The following GLIS2 variants were observed in gnomAD, a reference collection of about 807,000 sequenced individuals.
GLIS2 encodes GLIS family zinc finger 2, also known as zinc finger protein GLIS2.
Under a neutral mutation model 35.6 loss-of-function variants are expected in GLIS2, and 14 were observed. That is an observed-to-expected ratio of 0.39 (90% confidence interval 0.26 to 0.61). GLIS2 has a LOEUF of 0.61. Among genes scored for constraint, GLIS2 ranks in the 20% least tolerant of loss-of-function variants. The probability of loss-of-function intolerance (pLI) is 0.48; values close to 1 mark genes in which losing one functional copy is unlikely to be tolerated. For synonymous variants in GLIS2, 368 were observed against 325.1 expected (o/e 1.13, Z -1.42); for missense variants, 675 against 713.4 (o/e 0.95, Z 0.61).
In GLIS2 at chr16:4,335,382, G is replaced by A. The variant is rs1321473589; in HGVS notation, c.764G>A (p.Arg255Gln). ...CTGGAGAACCTGAAGATCCACAACC[G>A]GTCGCACACAGGTAAGAGGCCGGGG... ...SRLENLKIHN[R>Q]SHTGEKPYVC... The change falls in exon 6 of 7, where the codon CGG becomes CAG. Residue 255 changes from arginine to glutamine, a missense_variant. By Grantham distance (43) the Arg-to-Gln change is conservative. Around this residue, in one of 3 missense-constraint regions of GLIS2, gnomAD observed 133 missense variants for 191.4 expected, o/e 0.69. Transcript: ENST00000433375. The surrounding 1 kb of genome is among the most constrained non-coding windows in gnomAD (Gnocchi z 4.6). The A allele has an allele frequency of 1.2e-6, 2 of 1,613,494 alleles. No homozygotes were observed. Among genetic ancestry groups the A allele is most frequent in the East Asian group, 2.2e-5 (1 of 44,896 alleles).
Position 4,332,778 on chromosome 16 carries a change from G to A in GLIS2, c.172+326G>A, listed in dbSNP as rs75348073. Among the ~76,000 whole-genome samples, 302 of 152,328 alleles carry A rather than the reference G, an allele frequency of 2.0e-3. 1 individual carries two copies. The highest frequency in any genetic ancestry group is 3.9e-3 in the Non-Finnish European group (264 of 68,022). ...CCCTAGGCTGTGGGGTGGTGCCGCT[G>A]GCCAACCTGGGCAGTAGAGGCTGGG... On this transcript the variant is annotated intron_variant, in intron 2 of 6. Transcript: ENST00000433375. This position sits in a 1 kb window ranked among gnomAD's most constrained non-coding sequence, Gnocchi z 5.4.
At chr16:4,336,361 G>A (rs2053551313) in intron 6 of GLIS2, 5 of 448,110 alleles carry the variant, frequency 1.1e-5, no homozygotes, top group Admixed American at 1.0e-4. Context: ...TGGCCCTGCT[G>A]GTCTGGAACT....
chr16:4,321,070 T>A (rs966866656), intron 1 of GLIS2, among the ~76,000 whole-genome samples: 2 of 151,832 alleles, frequency 1.3e-5, no homozygotes, highest in African/African-American at 4.8e-5. Flanking sequence ...GAGGGGCGGG[T>A]GGCTGAGGAG....
chr16:4,335,431 G>A lies in GLIS2; in HGVS notation c.775+38G>A, dbSNP rs761430917. The stretch of plus-strand genomic sequence containing the variant: ...GGCCGGGCGGCTTGGCCCATGAAGG[G>A]GGCGCTCAGCTGAGACCGGCTGGGC... On this transcript the variant is annotated intron_variant, in intron 6 of 6. Coordinates refer to ENST00000433375, the MANE Select transcript of GLIS2 (RefSeq NM_032575.3). The surrounding 1 kb of genome is among the most constrained non-coding windows in gnomAD (Gnocchi z 4.6). The A allele has an allele frequency of 7.5e-6, 12 of 1,592,026 alleles. No homozygotes were observed. The highest frequency in any genetic ancestry group is 1.7e-4 in the Middle Eastern group (1 of 5,952).
intron 1 of GLIS2, among the ~76,000 whole-genome samples, chr16:4,318,036 C>T (rs1261275682): frequency 6.6e-6 from 1 of 152,188 alleles, no homozygotes; most frequent in East Asian, 1.9e-4. Context: ...TGGCTCTCTA[C>T]ACAGGGACAC....
At chr16:4,333,934 A>G (rs1186958661) in intron 3 of GLIS2, among the ~76,000 whole-genome samples, 1 of 152,118 alleles carries the variant, frequency 6.6e-6, no homozygotes, top group Non-Finnish European at 1.5e-5. Context: ...GCAACATAGC[A>G]AGACCCCATC....
chr16:4,334,609 C>T lies in GLIS2; in HGVS notation c.346-192C>T, dbSNP rs56017744. Among the ~76,000 whole-genome samples the T allele has an allele frequency of 0.026, 3,911 of 151,824 alleles. 76 individuals are homozygous for T. The highest frequency in any genetic ancestry group is 0.037 in the Middle Eastern group (11 of 294). On this transcript the variant is annotated intron_variant, in intron 3 of 6. Coordinates refer to ENST00000433375, the MANE Select transcript of GLIS2 (RefSeq NM_032575.3). ...CACTGGGTGTTGGGCCCACCCTAAT[C>T]TAGTGTGACCTCATGTTAACTTGAT...
chr16:4,318,742 T>C (rs544163667), intron 1 of GLIS2, among the ~76,000 whole-genome samples: 171 of 152,282 alleles, frequency 1.1e-3, no homozygotes, highest in Non-Finnish European at 2.0e-3. Flanking sequence ...GGTGGGAGTG[T>C]CCTCTCACCA....
rs143496525 is a variant in GLIS2 at position 4,319,847 on chromosome 16, CG to C, written c.-67+3595del. ...GCCCCTGGGTGAGGCTGGGCAGGCA[CG>C]GAGGCCGGGTACTCGCCTTCCACTC... On this transcript the variant is annotated intron_variant, in intron 1 of 6. Transcript: ENST00000433375. Among the ~76,000 whole-genome samples the C allele has an allele frequency of 7.6e-3, 1,157 of 152,250 alleles. 9 individuals are homozygous for C. The highest frequency in any genetic ancestry group is 0.025 in the African/African-American group (1,030 of 41,536).
At chr16:4,318,345 G>T (rs1336467117) in intron 1 of GLIS2, among the ~76,000 whole-genome samples, 1 of 152,182 alleles carries the variant, frequency 6.6e-6, no homozygotes, top group Non-Finnish European at 1.5e-5. Context: ...TCCATGAGAA[G>T]CCTGGGTGGA....
In GLIS2 at chr16:4,335,200, TG is replaced by T. The variant is rs1479739698; in HGVS notation, c.656+12del. 1 of 1,611,920 alleles carries T rather than the reference TG, an allele frequency of 6.2e-7. No homozygotes were observed. Among genetic ancestry groups the T allele is most frequent in the South Asian group, 1.1e-5 (1 of 91,004 alleles). ...GCCGAGGTTTCAACGCCAGGTGAGGTGGGGGAGAGAGGGGTAGAGGGAGGAC... is the reference window on the plus strand; with the variant it reads ...GCCGAGGTTTCAACGCCAGGTGAGGTGGGGAGAGAGGGGTAGAGGGAGGAC... On this transcript the variant is annotated splice_region_variant and intron_variant, in intron 5 of 6. Coordinates refer to ENST00000433375, the MANE Select transcript of GLIS2 (RefSeq NM_032575.3). The surrounding 1 kb of genome is among the most constrained non-coding windows in gnomAD (Gnocchi z 4.6).
chr16:4,321,328 C>T (rs1332415947), intron 1 of GLIS2, among the ~76,000 whole-genome samples: 2 of 152,238 alleles, frequency 1.3e-5, no homozygotes, highest in Non-Finnish European at 2.9e-5. Context: ...AGACCAGCCC[C>T]TGCTTCTAGC....
Position 4,339,010 on chromosome 16 carries a change from T to C in GLIS2, c.*1486T>C, listed in dbSNP as rs2053594379. On this transcript the variant is annotated 3_prime_UTR_variant, in exon 7 of 7. Coordinates refer to ENST00000433375, the MANE Select transcript of GLIS2 (RefSeq NM_032575.3). ...GCCCGGACAGCCTTGGGGTCCTTAG[T>C]GGCCCTGCAGGTCCTCTGGCAGCTC... The C allele has an allele frequency of 6.6e-6, 1 of 152,400 alleles. No homozygotes were observed. Among genetic ancestry groups the C allele is most frequent in the African/African-American group, 2.4e-5 (1 of 41,462 alleles). The allele number at this position is 152,400 out of a possible 1,614,324, so 9.4% of individuals were successfully genotyped here.
intron 1 of GLIS2, among the ~76,000 whole-genome samples, chr16:4,321,434 C>T (rs994080303): frequency 6.6e-6 from 1 of 152,194 alleles, no homozygotes; most frequent in Non-Finnish European, 1.5e-5. Context: ...GAATGTCTGT[C>T]GAGTGAATGA....
In GLIS2 at chr16:4,338,796, G is replaced by A. The variant is rs1167465242; in HGVS notation, c.*1272G>A. On this transcript the variant is annotated 3_prime_UTR_variant, in exon 7 of 7. Coordinates refer to ENST00000433375, the MANE Select transcript of GLIS2 (RefSeq NM_032575.3). ...GAACCACTTAAGGGTGGTGCTGGAGGGCCTTGTGCCCCAGTCCCATCCCAG... is the reference window on the plus strand; with the variant it reads ...GAACCACTTAAGGGTGGTGCTGGAGAGCCTTGTGCCCCAGTCCCATCCCAG... 6.6e-6 allele frequency: 1 copy of A among 152,304 alleles called. No individual in the cohort carries two copies. 9.4% of individuals were successfully genotyped at this position (152,304 alleles called of 1,614,324 possible). A position where few individuals can be genotyped will look rare whatever the true frequency, so the allele number is the denominator to read the frequency against.
Position 4,335,761 on chromosome 16 carries a change from A to C in GLIS2, c.775+368A>C, listed in dbSNP as rs1190908031. Reference sequence around the variant, plus strand: ...CACAGACATAATTTTACATTTCCTAATCGCTGCATAAAACACAGCAAAAAT... The same window carrying C: ...CACAGACATAATTTTACATTTCCTACTCGCTGCATAAAACACAGCAAAAAT... On this transcript the variant is annotated intron_variant, in intron 6 of 6. Coordinates refer to ENST00000433375, the MANE Select transcript of GLIS2 (RefSeq NM_032575.3). The surrounding 1 kb of genome is among the most constrained non-coding windows in gnomAD (Gnocchi z 4.6). The C allele has an allele frequency of 7.2e-6, 2 of 278,718 alleles. No individual in the cohort carries two copies. Among genetic ancestry groups the C allele is most frequent in the Non-Finnish European group, 1.4e-5 (2 of 144,288 alleles). The allele number at this position is 278,718 out of a possible 1,614,324, so 17.3% of individuals were successfully genotyped here.
intron 1 of GLIS2, among the ~76,000 whole-genome samples, chr16:4,325,884 C>T (rs553605900): frequency 1.4e-5 from 2 of 143,030 alleles, no homozygotes; most frequent in African/African-American, 2.6e-5. Flanking sequence ...GCCATGACCA[C>T]GCCACTGCAG....
chr16:4,337,488 G>A lies in GLIS2; in HGVS notation c.1539G>A (p.Pro513=), dbSNP rs769088578. The part of the protein sequence containing the change: ...ALAPGWVVIP[P]GSVLLKPAVV... ...CCCCTGGCTGGGTGGTCATCCCGCC[G>A]GGCTCGGTGCTGCTCAAACCGGCTG... The change falls in exon 7 of 7, where the codon CCG becomes CCA. Residue 513 remains proline (P), a synonymous_variant. Coordinates refer to ENST00000433375, the MANE Select transcript of GLIS2 (RefSeq NM_032575.3). 2.2e-5 allele frequency: 34 copies of A among 1,568,674 alleles called. No individual in the cohort carries two copies. The highest frequency in any genetic ancestry group is 2.7e-5 in the African/African-American group (2 of 74,402).
At chr16:4,322,361 G>A (rs983132994) in intron 1 of GLIS2, among the ~76,000 whole-genome samples, 1 of 152,210 alleles carries the variant, frequency 6.6e-6, no homozygotes, top group Non-Finnish European at 1.5e-5. Flanking sequence ...CCGGGCCATA[G>A]CCTCTGGTCC....
Sources: allele counts gnomAD v4.1 joint callset (sites outside exome capture counted in the v4.1 genomes callset), GRCh38; gene constraint gnomAD v4.1.1; regional missense constraint gnomAD v4.1.1; non-coding constraint Gnocchi (gnomAD v3.1); transcripts MANE v1.5; gene names NCBI Gene and HGNC (gene_info 2026-07-23, HGNC 2026-07-21).